RAB11FIP1: variants seen among roughly 807,000 people sequenced by gnomAD.
The protein encoded by RAB11FIP1 is rab11 family-interacting protein 1.
RAB11FIP1 carries 49 observed loss-of-function variants against 83.1 expected under a neutral mutation model. The observed-to-expected ratio is 0.59, with a 90% CI of 0.47 to 0.75. The LOEUF (loss-of-function observed/expected upper bound fraction) is 0.75. Ranked by LOEUF, RAB11FIP1 falls within the 30% of genes least tolerant of loss-of-function variation. The pLI is 0.00. For missense variants in RAB11FIP1, 1,536 were observed against 1,598.7 expected, an observed-to-expected ratio of 0.96 and a Z score of 0.67; for synonymous variants, 670 against 656.0, an observed-to-expected ratio of 1.02 and a Z score of -0.33.
At chr8:37,888,342 G>A (rs1043888723) in intron 1 of RAB11FIP1, among the ~76,000 whole-genome samples, 3 of 152,076 alleles carry the variant, frequency 2.0e-5, no homozygotes, top group Non-Finnish European at 4.4e-5. Context: ...CCTAACCTCA[G>A]GTGATCCGCC....
At chr8:37,887,875 T>C (rs143423859) in intron 1 of RAB11FIP1, among the ~76,000 whole-genome samples, 1 of 152,232 alleles carries the variant, frequency 6.6e-6, no homozygotes, top group Non-Finnish European at 1.5e-5. Context: ...GTCAAACTTA[T>C]AATTTTGAAT....
chr8:37,897,430 G>A (rs1212482695), intron 1 of RAB11FIP1, among the ~76,000 whole-genome samples: 2 of 149,822 alleles, frequency 1.3e-5, no homozygotes, highest in Non-Finnish European at 3.0e-5. Flanking sequence ...ACTGGCCTGT[G>A]TATTTAAGAT....
chr8:37,870,256 C>A, intron 5 of RAB11FIP1, 164 bp downstream of exon 5: 1 of 463,618 alleles, frequency 2.2e-6, no homozygotes. Context: ...AGTAATTATC[C>A]AATGGAATGT....
chr8:37,890,205 C>G (rs1215129396), intron 1 of RAB11FIP1, among the ~76,000 whole-genome samples: 1 of 152,310 alleles, frequency 6.6e-6, no homozygotes, highest in East Asian at 1.9e-4. Context: ...CATCTGGGGC[C>G]CCAGTCGACT....
rs1563367652 is a variant in RAB11FIP1, at chr8:37,872,597, A to G, written c.2205T>C (p.Asp735=). Residue 735 remains aspartate, a synonymous_variant, in exon 4 of 6, where the codon GAT becomes GAC. Coordinates refer to ENST00000330843, the MANE Select transcript of RAB11FIP1 (RefSeq NM_001002814.3). The part of the protein sequence containing the change: ...EVPFALSLSS[D]GAVSPVGELA... Reference sequence around the variant, plus strand: ...GCTCCCCAACAGGGCTCACAGCTCCATCACTGCTGAGTGAAAGGGCAAACG... The same window carrying G: ...GCTCCCCAACAGGGCTCACAGCTCCGTCACTGCTGAGTGAAAGGGCAAACG... 6.2e-7 allele frequency: 1 copy of G among 1,614,192 alleles called. No homozygotes were observed. Among genetic ancestry groups the G allele is most frequent in the Non-Finnish European group, 8.5e-7 (1 of 1,180,042 alleles).
chr8:37,860,300 A>G lies in RAB11FIP1; in HGVS notation c.*2595T>C, dbSNP rs1405122045. On this transcript the variant is annotated 3_prime_UTR_variant, in exon 6 of 6. Coordinates refer to ENST00000330843, the MANE Select transcript of RAB11FIP1 (RefSeq NM_001002814.3). The stretch of plus-strand genomic sequence containing the variant: ...ATCACAGTAAAAATACATTTATATC[A>G]AGTAAAAAACATAATGCAGGACAAA... 1 of 152,596 alleles carries G rather than the reference A, an allele frequency of 6.6e-6. No individual in the cohort carries two copies. The highest frequency in any genetic ancestry group is 1.5e-5 in the Non-Finnish European group (1 of 68,058). The allele number at this position is 152,596 out of a possible 1,614,324, so 9.5% of individuals were successfully genotyped here.
chr8:37,875,183 G>A lies in RAB11FIP1; in HGVS notation c.954C>T (p.Cys318=), dbSNP rs776711381. 1.9e-6 allele frequency: 3 copies of A among 1,614,120 alleles called. No individual in the cohort carries two copies. The highest frequency in any genetic ancestry group is 2.2e-5 in the South Asian group (2 of 91,072). The part of the protein sequence containing the change: ...KNDVLSRSNV[C]INGNHVYLEQ... ...CCAGGTAAACATGGTTCCCATTGAT[G>A]CAGACATTAGAGCGGGAAAGGACAT... is the stretch of plus-strand genomic sequence containing the variant. The change falls in exon 3 of 6, where the codon TGC becomes TGT. Residue 318 remains cysteine, a synonymous_variant. Transcript: ENST00000330843.
At chr8:37,873,707 C>T (rs1382161416) in intron 3 of RAB11FIP1, among the ~76,000 whole-genome samples, 2 of 152,066 alleles carry the variant, frequency 1.3e-5, no homozygotes, top group East Asian at 1.9e-4. Flanking sequence ...GAAAAGATCC[C>T]GGTAAAGCAA....
Position 37,872,577 on chromosome 8 carries a change from C to G in RAB11FIP1, c.2225G>C (p.Gly742Ala). Residue 742 changes from glycine (G) to alanine (A), a missense_variant, in exon 4 of 6, where the codon GGG becomes GCG. Coordinates refer to ENST00000330843, the MANE Select transcript of RAB11FIP1 (RefSeq NM_001002814.3). ...TCTGTCTCCTCCTGCTGCAAGCTCC[C>G]CAACAGGGCTCACAGCTCCATCACT... ...LSSDGAVSPVGELAAGGDRDL... is the reference protein window; with the variant it reads ...LSSDGAVSPVAELAAGGDRDL... 1 of 1,614,218 alleles carries G rather than the reference C, an allele frequency of 6.2e-7. No homozygotes were observed. Among genetic ancestry groups the G allele is most frequent in the Non-Finnish European group, 8.5e-7 (1 of 1,180,030 alleles).
intron 5 of RAB11FIP1, among the ~76,000 whole-genome samples, chr8:37,866,679 GA>G (rs5891217): frequency 0.74 from 109,840 of 147,952 alleles, 40,521 homozygotes; most frequent in East Asian, 0.97. Flanking sequence ...ACCAAGAAAA[GA>G]AAAAAAAAAA....
rs1346900605 is a variant in RAB11FIP1 at position 37,860,213 on chromosome 8, GC to G, written c.*2681del. 1 of 152,698 alleles carries G rather than the reference GC, an allele frequency of 6.5e-6. No individual in the cohort carries two copies. Among genetic ancestry groups the G allele is most frequent in the Non-Finnish European group, 1.5e-5 (1 of 68,108 alleles). The allele number at this position is 152,698 out of a possible 1,614,324, so 9.5% of individuals were successfully genotyped here. A position where few individuals can be genotyped will look rare whatever the true frequency, so the allele number is the denominator to read the frequency against. On this transcript the variant is annotated 3_prime_UTR_variant, in exon 6 of 6. Transcript: ENST00000330843. ...CCTTGTGAACACTGCAGATCTCTAC[GC>G]CAGCTCTCCAATGGAAGAAGAACCA...
At position 37,895,711 on chromosome 8, in the gene RAB11FIP1, T is replaced by G. The variant is rs964884276; in HGVS notation, c.371+3360A>C. ...TTTTAAGAGTATATGTCATCACATC[T>G]TGACTCTAAATAAATGATACTGGGG... On this transcript the variant is annotated intron_variant, in intron 1 of 5. Transcript: ENST00000330843. Among the ~76,000 whole-genome samples the G allele has an allele frequency of 2.5e-4, 38 of 152,210 alleles. 3 individuals carry two copies. The highest frequency in any genetic ancestry group is 9.2e-4 in the African/African-American group (38 of 41,526).
Position 37,871,934 on chromosome 8 carries a change from G to C in RAB11FIP1, c.2868C>G (p.Asn956Lys). Reference sequence around the variant, plus strand: ...CTTCAGGAATGGAAGGAAGGCTTAAGTTCAGATCGGCCATGATTGGAGATT... The same window carrying C: ...CTTCAGGAATGGAAGGAAGGCTTAACTTCAGATCGGCCATGATTGGAGATT... ...DFKSPIMADL[N>K]LSLPSIPEVA... The change falls in exon 4 of 6, where the codon AAC (asparagine) becomes AAG (lysine). Residue 956 changes from asparagine (N) to lysine (K), a missense_variant. Asn to Lys is a moderately conservative substitution (Grantham distance 94, BLOSUM62 0). Transcript: ENST00000330843. 4 of 1,614,206 alleles carry C rather than the reference G, an allele frequency of 2.5e-6. No homozygotes were observed. Among genetic ancestry groups the C allele is most frequent in the Non-Finnish European group, 3.4e-6 (4 of 1,180,032 alleles).
At chr8:37,893,657 G>C (rs1477414914) in intron 1 of RAB11FIP1, among the ~76,000 whole-genome samples, 1 of 152,038 alleles carries the variant, frequency 6.6e-6, no homozygotes, top group Admixed American at 6.6e-5. Flanking sequence ...CGGTATGGTG[G>C]CACACCCCTG....
chr8:37,874,569 G>C lies in RAB11FIP1; in HGVS notation c.1568C>G (p.Pro523Arg), dbSNP rs780228490. The change falls in exon 3 of 6, where the codon CCG becomes CGG. Residue 523 changes from proline to arginine, a missense_variant. Physicochemically the swap from Pro to Arg is moderately radical, Grantham distance 103. Coordinates refer to ENST00000330843, the MANE Select transcript of RAB11FIP1 (RefSeq NM_001002814.3). ...CCTCGGAGAGGAAATTGGAGGTCTC[G>C]GTTCAGACTTGGACTCTGGCTCAGC... ...PEAEPESKSE[P>R]RPPISSPRAP... is the part of the protein sequence containing the mutation. 1 of 1,614,172 alleles carries C rather than the reference G, an allele frequency of 6.2e-7. No homozygotes were observed. The highest frequency in any genetic ancestry group is 8.5e-7 in the Non-Finnish European group (1 of 1,180,026).
intron 1 of RAB11FIP1, among the ~76,000 whole-genome samples, chr8:37,886,698 G>A (rs905386578): frequency 1.3e-5 from 2 of 152,184 alleles, no homozygotes; most frequent in African/African-American, 4.8e-5. Context: ...AGGAAGAACA[G>A]AACCACCCCT....
intron 5 of RAB11FIP1, among the ~76,000 whole-genome samples, chr8:37,868,405 AG>A (rs1161462693): frequency 6.6e-6 from 1 of 151,362 alleles, no homozygotes. Flanking sequence ...CTAGGCGATA[AG>A]AGCAAAACTC....
At chr8:37,877,796 T>G in intron 1 of RAB11FIP1, 1 of 358,772 alleles carries the variant, frequency 2.8e-6, no homozygotes, top group Non-Finnish European at 4.9e-6. Flanking sequence ...CTCGGCTCAC[T>G]GCAGCCTCTG....
At chr8:37,866,037 T>C (rs1483958814) in intron 5 of RAB11FIP1, among the ~76,000 whole-genome samples, 1 of 152,052 alleles carries the variant, frequency 6.6e-6, no homozygotes, top group African/African-American at 2.4e-5. Flanking sequence ...TTGCAATATT[T>C]AAAAATTATA....
Sources: gnomAD v4.1 joint callset for allele counts (sites outside exome capture counted in the v4.1 genomes callset) on GRCh38, gnomAD v4.1.1 for gene constraint, MANE v1.5 for transcripts, NCBI Gene and HGNC (gene_info 2026-07-23, HGNC 2026-07-21) for gene names.